The following B3GAT2 variants were observed in gnomAD, a reference collection of about 807,000 sequenced individuals.
B3GAT2 encodes the protein galactosylgalactosylxylosylprotein 3-beta-glucuronosyltransferase 2.
In B3GAT2, 26 loss-of-function variants were observed where a neutral mutation model predicts 27.8. The ratio of observed to expected loss-of-function variants is 0.93; its 90% CI spans 0.68 to 1.30. The LOEUF (loss-of-function observed/expected upper bound fraction) is 1.30. Ranked by LOEUF, B3GAT2 falls within the 50% of genes most tolerant of loss-of-function variation. The probability of loss-of-function intolerance (pLI) is 0.00; values close to 1 mark genes in which losing one functional copy is unlikely to be tolerated. For synonymous variants in B3GAT2, 218 were observed against 195.1 expected (o/e 1.12, Z -0.98); for missense variants, 458 against 459.0 (o/e 1.00, Z 0.02).
At chr6:70,866,454 CAT>C (rs1158821850) in intron 2 of B3GAT2, among the ~76,000 whole-genome samples, 7 of 152,066 alleles carry the variant, frequency 4.6e-5, no homozygotes, top group Admixed American at 4.6e-4. Flanking sequence ...TGTGTGTATA[CAT>C]ATATGTCTCT....
chr6:70,872,459 G>A lies in B3GAT2; in HGVS notation c.737-10481C>T, dbSNP rs140290479. Among the ~76,000 whole-genome samples the A allele has an allele frequency of 2.5e-3, 366 of 144,978 alleles. 1 individual carries two copies. The highest frequency in any genetic ancestry group is 8.6e-3 in the African/African-American group (340 of 39,730). On this transcript the variant is annotated intron_variant, in intron 2 of 3. Transcript: ENST00000230053. ...TTTTTTTGGTCTCTAGTAACAGTTC[G>A]TCTTAAAGTCTATTTTGTCTGGTGT...
At chr6:70,883,636 T>C (rs563853449) in intron 2 of B3GAT2, among the ~76,000 whole-genome samples, 45 of 152,132 alleles carry the variant, frequency 3.0e-4, no homozygotes, top group African/African-American at 9.9e-4. Flanking sequence ...AGGTGTGGAG[T>C]TGGACAGTGG....
At chr6:70,889,943 A>G (rs545035232) in intron 2 of B3GAT2, among the ~76,000 whole-genome samples, 2 of 151,856 alleles carry the variant, frequency 1.3e-5, no homozygotes, top group Non-Finnish European at 2.9e-5. Flanking sequence ...CACCACGCCC[A>G]GCTAATTTTT....
At chr6:70,933,209 T>C (rs760793756) in intron 1 of B3GAT2, among the ~76,000 whole-genome samples, 4 of 152,194 alleles carry the variant, frequency 2.6e-5, no homozygotes, top group Non-Finnish European at 4.4e-5. Context: ...CTGGGATTGC[T>C]GTAAAACAGA....
chr6:70,950,358 A>G (rs1005051099), intron 1 of B3GAT2, among the ~76,000 whole-genome samples: 1 of 152,126 alleles, frequency 6.6e-6, no homozygotes, highest in Non-Finnish European at 1.5e-5. Flanking sequence ...CAAAAGGTCA[A>G]AGGAGAAAGC....
chr6:70,918,343 T>C (rs1028559500), intron 1 of B3GAT2, among the ~76,000 whole-genome samples: 19 of 152,204 alleles, frequency 1.2e-4, no homozygotes, highest in African/African-American at 4.3e-4. Context: ...CTTGACTCTT[T>C]ATCCAATTTG....
chr6:70,954,752 C>T (rs1215376278), intron 1 of B3GAT2, among the ~76,000 whole-genome samples: 2 of 152,152 alleles, frequency 1.3e-5, no homozygotes, highest in African/African-American at 2.4e-5. Flanking sequence ...CACAGGGCGT[C>T]AAATCAATCA....
chr6:70,948,079 C>T (rs1765521476), intron 1 of B3GAT2, among the ~76,000 whole-genome samples: 1 of 151,138 alleles, frequency 6.6e-6, no homozygotes, highest in Non-Finnish European at 1.5e-5. Flanking sequence ...TGGGACGTAT[C>T]TCAAAATAAT....
At chr6:70,924,752 G>A (rs942493511) in intron 1 of B3GAT2, among the ~76,000 whole-genome samples, 2 of 152,160 alleles carry the variant, frequency 1.3e-5, no homozygotes, top group African/African-American at 4.8e-5. Flanking sequence ...AATTTAGTTT[G>A]TAGTTTAAAT....
In B3GAT2 at chr6:70,859,518, A is replaced by AAATT. The variant is rs1172836389; in HGVS notation, c.*2141_*2144dup. 1.4e-6 allele frequency: 1 copy of AAATT among 734,792 alleles called. No homozygotes were observed. The highest frequency in any genetic ancestry group is 1.8e-5 in the African/African-American group (1 of 56,292). The allele number at this position is 734,792 out of a possible 1,614,324, so 45.5% of individuals were successfully genotyped here. A position where few individuals can be genotyped will look rare whatever the true frequency, so the allele number is the denominator to read the frequency against. ...GTAAATAAGTCAAGTCAAATGTATTAAATTAAGAACACAGTCTAACTCTGA... is the reference window on the plus strand; with the variant it reads ...GTAAATAAGTCAAGTCAAATGTATTAAATTAATTAAGAACACAGTCTAACTCTGA... On this transcript the variant is annotated 3_prime_UTR_variant, in exon 4 of 4. Coordinates refer to ENST00000230053, the MANE Select transcript of B3GAT2 (RefSeq NM_080742.3).
chr6:70,856,743 C>T lies in B3GAT2; in HGVS notation c.*4920G>A. On this transcript the variant is annotated 3_prime_UTR_variant, in exon 4 of 4. Coordinates refer to ENST00000230053, the MANE Select transcript of B3GAT2 (RefSeq NM_080742.3). ...GATCCTCTTGAATGGCACCATTTTA[C>T]CTTCTACAATTGTTTGATTCCTATC... 3 of 1,064,060 alleles carry T rather than the reference C, an allele frequency of 2.8e-6. No homozygotes were observed. The highest frequency in any genetic ancestry group is 1.3e-6 in the Non-Finnish European group (1 of 759,100). The allele number at this position is 1,064,060 out of a possible 1,614,324, so 65.9% of individuals were successfully genotyped here. A position where few individuals can be genotyped will look rare whatever the true frequency, so the allele number is the denominator to read the frequency against.
chr6:70,857,567 T>G lies in B3GAT2; in HGVS notation c.*4096A>C. 4.2e-6 allele frequency: 1 copy of G among 238,342 alleles called. No homozygotes were observed. The highest frequency in any genetic ancestry group is 2.3e-5 in the African/African-American group (1 of 44,060). 14.8% of individuals were successfully genotyped at this position (238,342 alleles called of 1,614,324 possible). A position where few individuals can be genotyped will look rare whatever the true frequency, so the allele number is the denominator to read the frequency against. On this transcript the variant is annotated 3_prime_UTR_variant, in exon 4 of 4. Coordinates refer to ENST00000230053, the MANE Select transcript of B3GAT2 (RefSeq NM_080742.3). ...CCTATTGAAGCGAGATATAGTCAGC[T>G]CTCACTTCCCTGTTTCGTACTGGGG...
intron 2 of B3GAT2, among the ~76,000 whole-genome samples, chr6:70,892,077 TAG>T (rs1452486058): frequency 6.6e-6 from 1 of 152,170 alleles, no homozygotes; most frequent in African/African-American, 2.4e-5. Context: ...GTTGTCTCCT[TAG>T]AGACACTTTA....
chr6:70,899,523 G>A (rs1481288779), intron 1 of B3GAT2, among the ~76,000 whole-genome samples: 1 of 152,176 alleles, frequency 6.6e-6, no homozygotes, highest in African/African-American at 2.4e-5. Context: ...CAGATGACGT[G>A]GCGGGATGAT....
Position 70,860,440 on chromosome 6 carries a change from T to A in B3GAT2, c.*1223A>T. On this transcript the variant is annotated 3_prime_UTR_variant, in exon 4 of 4. Transcript: ENST00000230053. ...TGCATATTTTTTTTCTTTTTACCCATTTGTTCATATTAAGAATGATCTGAT... is the reference window on the plus strand; with the variant it reads ...TGCATATTTTTTTTCTTTTTACCCAATTGTTCATATTAAGAATGATCTGAT... 7.6e-7 allele frequency: 1 copy of A among 1,319,110 alleles called. No individual in the cohort carries two copies. Among genetic ancestry groups the A allele is most frequent in the Non-Finnish European group, 1.0e-6 (1 of 971,854 alleles). The allele number at this position is 1,319,110 out of a possible 1,614,324, so 81.7% of individuals were successfully genotyped here.
intron 1 of B3GAT2, among the ~76,000 whole-genome samples, chr6:70,928,133 C>T (rs908198160): frequency 2.0e-5 from 3 of 151,898 alleles, no homozygotes; most frequent in African/African-American, 4.8e-5. Context: ...TCTTTGAAAC[C>T]AACGAGAACA....
intron 1 of B3GAT2, among the ~76,000 whole-genome samples, chr6:70,954,455 G>T (rs1011219465): frequency 6.6e-6 from 1 of 152,134 alleles, no homozygotes; most frequent in African/African-American, 2.4e-5. Context: ...AATGAAGGCG[G>T]CAATTACCTT....
In B3GAT2 at chr6:70,860,282, G is replaced by C. The variant is rs764290451; in HGVS notation, c.*1381C>G. 2 of 1,613,796 alleles carry C rather than the reference G, an allele frequency of 1.2e-6. No individual in the cohort carries two copies. The highest frequency in any genetic ancestry group is 1.7e-4 in the Middle Eastern group (1 of 6,058). On this transcript the variant is annotated 3_prime_UTR_variant, in exon 4 of 4. Coordinates refer to ENST00000230053, the MANE Select transcript of B3GAT2 (RefSeq NM_080742.3). ...GGCCAGCCCTCCAGCACAACAGCAGGATGGTCTGGAAGCTCATCAGGTCAG... is the reference window on the plus strand; with the variant it reads ...GGCCAGCCCTCCAGCACAACAGCAGCATGGTCTGGAAGCTCATCAGGTCAG...
chr6:70,929,380 A>T (rs1263464645), intron 1 of B3GAT2, among the ~76,000 whole-genome samples: 1 of 152,194 alleles, frequency 6.6e-6, no homozygotes, highest in East Asian at 1.9e-4. Context: ...AATAAAAGCT[A>T]TTCAATCACG....
Sources: gnomAD v4.1 joint callset for allele counts (sites outside exome capture counted in the v4.1 genomes callset) on GRCh38, gnomAD v4.1.1 for gene constraint, MANE v1.5 for transcripts, NCBI Gene and HGNC (gene_info 2026-07-23, HGNC 2026-07-21) for gene names.